Variants in EHBP1 observed in about 807,000 individuals in gnomAD.
EHBP1 encodes EH domain-binding protein 1.
EHBP1 carries 55 observed loss-of-function variants against 144.0 expected under a neutral mutation model. The ratio of observed to expected loss-of-function variants is 0.38; its 90% CI spans 0.31 to 0.48. The LOEUF (loss-of-function observed/expected upper bound fraction) is 0.48, where lower values mean the gene tolerates loss of function less well. EHBP1 is among the 20% of genes least tolerant of loss of function. The probability of loss-of-function intolerance (pLI) is 0.98; values close to 1 mark genes in which losing one functional copy is unlikely to be tolerated. For missense variants in EHBP1, 1,200 were observed against 1,364.2 expected, an observed-to-expected ratio of 0.88 and a Z score of 1.90; for synonymous variants, 469 against 472.7, an observed-to-expected ratio of 0.99 and a Z score of 0.10.
intron 2 of EHBP1, among the ~76,000 whole-genome samples, chr2:62,713,397 A>G (rs574658575): frequency 9.0e-4 from 136 of 151,938 alleles, no homozygotes; most frequent in Non-Finnish European, 1.4e-3. Flanking sequence ...ATGTACCACC[A>G]TGTCTGGCTA....
chr2:62,848,138 G>A (rs1462648908), intron 7 of EHBP1, among the ~76,000 whole-genome samples: 1 of 148,574 alleles, frequency 6.7e-6, no homozygotes, highest in African/African-American at 2.5e-5. Context: ...GAGTGCAGTA[G>A]CATGATTTCA....
At chr2:62,733,573 A>AG (rs1456898365) in intron 2 of EHBP1, among the ~76,000 whole-genome samples, 1 of 152,148 alleles carries the variant, frequency 6.6e-6, no homozygotes, top group Non-Finnish European at 1.5e-5. Context: ...GGAAGTCTAG[A>AG]GGGTACTGGA....
chr2:63,040,440 A>C (rs1397177502), intron 21 of EHBP1, among the ~76,000 whole-genome samples: 1 of 152,180 alleles, frequency 6.6e-6, no homozygotes, highest in Non-Finnish European at 1.5e-5. Flanking sequence ...TTTCCTCAGC[A>C]GTCCTATCCC....
At chr2:62,821,770 C>T (rs572700753) in intron 5 of EHBP1, among the ~76,000 whole-genome samples, 2 of 152,122 alleles carry the variant, frequency 1.3e-5, no homozygotes, top group South Asian at 4.1e-4. Flanking sequence ...TGTTTTATAC[C>T]GTGTTCTTAG....
intron 3 of EHBP1, among the ~76,000 whole-genome samples, chr2:62,763,898 A>G (rs1029211901): frequency 1.3e-5 from 2 of 152,126 alleles, no homozygotes; most frequent in Non-Finnish European, 2.9e-5. Flanking sequence ...GTCCACAAAA[A>G]TAATTTTTAA....
intron 7 of EHBP1, among the ~76,000 whole-genome samples, chr2:62,837,737 C>T (rs1286655894): frequency 6.6e-6 from 1 of 151,496 alleles, no homozygotes; most frequent in Non-Finnish European, 1.5e-5. Flanking sequence ...TCAAAAGAGA[C>T]AAAGAAGGCC....
chr2:62,915,727 A>T lies in EHBP1; in HGVS notation c.1186-26991A>T, dbSNP rs189123459. Among the ~76,000 whole-genome samples, 268 of 152,256 alleles carry T rather than the reference A, an allele frequency of 1.8e-3. 1 individual carries two copies. The highest frequency in any genetic ancestry group is 6.8e-3 in the Middle Eastern group (2 of 294). On this transcript the variant is annotated intron_variant, in intron 10 of 22. Transcript: ENST00000431489. ...TAAGGATTTAAAAAAAATTTTTTTT[A>T]AAATAATTGTTAATGGGGTTTGATT...
At chr2:62,849,705 C>G (rs908572713) in intron 7 of EHBP1, among the ~76,000 whole-genome samples, 2 of 152,162 alleles carry the variant, frequency 1.3e-5, no homozygotes, top group African/African-American at 2.4e-5. Context: ...TCGGTTCATT[C>G]ATTCATTCAT....
At chr2:63,027,713 GA>G (rs964344407) in intron 19 of EHBP1, among the ~76,000 whole-genome samples, 51 of 152,254 alleles carry the variant, frequency 3.3e-4, no homozygotes, top group Admixed American at 2.6e-4. Flanking sequence ...GGCTGGCACA[GA>G]AAGACAAGTA....
At chr2:62,966,861 C>CCACTAG (rs1241482667) in intron 14 of EHBP1, among the ~76,000 whole-genome samples, 1 of 152,140 alleles carries the variant, frequency 6.6e-6, no homozygotes, top group Non-Finnish European at 1.5e-5. Flanking sequence ...TAAAACATCA[C>CCACTAG]CACTAGCCTG....
chr2:62,866,895 A>G (rs752063629), intron 9 of EHBP1, among the ~76,000 whole-genome samples: 5 of 152,178 alleles, frequency 3.3e-5, no homozygotes, highest in Non-Finnish European at 7.4e-5. Context: ...CTCAAGCACA[A>G]GAAAAATGAA....
intron 10 of EHBP1, among the ~76,000 whole-genome samples, chr2:62,941,594 AT>A (rs1343751638): frequency 6.6e-6 from 1 of 152,112 alleles, no homozygotes; most frequent in Non-Finnish European, 1.5e-5. Flanking sequence ...GGGGTTGATG[AT>A]TTTAATTGTT....
chr2:62,910,941 A>G (rs998863259), intron 10 of EHBP1, among the ~76,000 whole-genome samples: 1 of 152,196 alleles, frequency 6.6e-6, no homozygotes, highest in East Asian at 1.9e-4. Context: ...CAAAACTCAG[A>G]AAGAATGTGT....
At chr2:62,949,585 A>G (rs1424842902) in intron 13 of EHBP1, among the ~76,000 whole-genome samples, 1 of 152,254 alleles carries the variant, frequency 6.6e-6, no homozygotes, top group East Asian at 1.9e-4. Flanking sequence ...ACAATATTCT[A>G]CTATAAAATA....
chr2:62,926,096 T>G (rs998006253), intron 10 of EHBP1, among the ~76,000 whole-genome samples: 2 of 152,048 alleles, frequency 1.3e-5, no homozygotes, highest in Non-Finnish European at 2.9e-5. Flanking sequence ...AGAAATTAAT[T>G]CACATATCCA....
chr2:62,905,709 A>G (rs1458142691), intron 10 of EHBP1, among the ~76,000 whole-genome samples: 1 of 152,010 alleles, frequency 6.6e-6, no homozygotes, highest in African/African-American at 2.4e-5. Context: ...CTGTAATCCC[A>G]GCTACTTGGG....
At chr2:62,920,221 AAGC>A (rs1410090138) in intron 10 of EHBP1, among the ~76,000 whole-genome samples, 2 of 152,194 alleles carry the variant, frequency 1.3e-5, no homozygotes, top group East Asian at 1.9e-4. Context: ...AGAATTTTGA[AAGC>A]AGCAAGAGAG....
chr2:62,743,756 A>G (rs1055030059), intron 2 of EHBP1, among the ~76,000 whole-genome samples: 17 of 152,136 alleles, frequency 1.1e-4, no homozygotes, highest in African/African-American at 4.1e-4. Context: ...TTAGTGGTGA[A>G]GAGGAGGGCA....
At chr2:62,697,508 T>G (rs2151756266) in intron 1 of EHBP1, among the ~76,000 whole-genome samples, 1 of 152,334 alleles carries the variant, frequency 6.6e-6, no homozygotes. Context: ...TCAGGTTTTT[T>G]GTCATTGTTA....
Sources: allele counts gnomAD v4.1 joint callset (sites outside exome capture counted in the v4.1 genomes callset), GRCh38; gene constraint gnomAD v4.1.1; transcripts MANE v1.5; gene names NCBI Gene and HGNC (gene_info 2026-07-23, HGNC 2026-07-21).